Variants in ZNF627 observed in about 807,000 individuals in gnomAD.
ZNF627 encodes the protein zinc finger protein 627.
In ZNF627, 12 loss-of-function variants were observed where a neutral mutation model predicts 10.6. The ratio of observed to expected loss-of-function variants is 1.13; its 90% CI spans 0.73 to 1.84. The LOEUF (loss-of-function observed/expected upper bound fraction) is 1.84. Ranked by LOEUF, ZNF627 falls within the 40% of genes most tolerant of loss-of-function variation. The probability of loss-of-function intolerance (pLI) is 0.00; values close to 1 mark genes in which losing one functional copy is unlikely to be tolerated. For missense variants in ZNF627, 504 were observed against 568.4 expected, an observed-to-expected ratio of 0.89 and a Z score of 1.15; for synonymous variants, 176 against 187.1, an observed-to-expected ratio of 0.94 and a Z score of 0.48.
intron 1 of ZNF627, among the ~76,000 whole-genome samples, chr19:11,608,115 G>A (rs923109671): frequency 3.9e-5 from 6 of 152,158 alleles, no homozygotes; most frequent in East Asian, 3.9e-4. Context: ...GTGGCAGCAA[G>A]GAGAAGTGCA....
chr19:11,606,260 C>T (rs973751206), intron 1 of ZNF627, among the ~76,000 whole-genome samples: 4 of 151,896 alleles, frequency 2.6e-5, no homozygotes, highest in African/African-American at 9.7e-5. Context: ...TTGCTTGATC[C>T]CAGAAGGCGG....
At chr19:11,602,823 G>A (rs914916320) in intron 1 of ZNF627, among the ~76,000 whole-genome samples, 26 of 152,216 alleles carry the variant, frequency 1.7e-4, no homozygotes, top group African/African-American at 6.3e-4. Flanking sequence ...GTTCGCTGGT[G>A]AGAATTGAGA....
intron 1 of ZNF627, among the ~76,000 whole-genome samples, chr19:11,598,257 A>T (rs1487409108): frequency 6.6e-6 from 1 of 152,014 alleles, no homozygotes; most frequent in Non-Finnish European, 1.5e-5. Context: ...TTGAGGCTGG[A>T]GCGCGGTGGC....
rs1485304423 is a variant in ZNF627 at position 11,614,874 on chromosome 19, A to G, written c.178A>G (p.Arg60Gly). 1.9e-6 allele frequency: 3 copies of G among 1,606,948 alleles called. No homozygotes were observed. Among genetic ancestry groups the G allele is most frequent in the Non-Finnish European group, 2.5e-6 (3 of 1,177,696 alleles). ...CATTGAAGACCCATTCAAAATTCCC[A>G]GGAGAAATATAAGGTAATTTGCACT... ...QNIEDPFKIPRRNISHIPERL... is the reference protein window; with the variant it reads ...QNIEDPFKIPGRNISHIPERL... The change falls in exon 3 of 4, where the codon AGG (arginine) becomes GGG (glycine). Residue 60 changes from arginine (R) to glycine (G), a missense_variant. Coordinates refer to ENST00000361113, the MANE Select transcript of ZNF627 (RefSeq NM_145295.4).
rs1339547297 is a variant in ZNF627, at chr19:11,617,951, C to G, written c.*62C>G. 7.2e-6 allele frequency: 10 copies of G among 1,385,626 alleles called. No individual in the cohort carries two copies. In the African/African-American group the frequency reaches 1.3e-4, roughly 18 times the overall value. The allele number at this position is 1,385,626 out of a possible 1,614,324, so 85.8% of individuals were successfully genotyped here. ...TAAGAAATTTGGGAAAGCCTTCAGT[C>G]CTTTCTGTTTCTTTCAACTACGTGA... On this transcript the variant is annotated 3_prime_UTR_variant, in exon 4 of 4. Transcript: ENST00000361113.
At chr19:11,613,660 T>G (rs1973817402) in intron 1 of ZNF627, among the ~76,000 whole-genome samples, 1 of 150,890 alleles carries the variant, frequency 6.6e-6, no homozygotes, top group African/African-American at 2.4e-5. Flanking sequence ...CCAGCCAGAT[T>G]TTTACACTTA....
intron 1 of ZNF627, among the ~76,000 whole-genome samples, chr19:11,610,433 C>T (rs10409095): frequency 0.59 from 89,283 of 151,338 alleles, 26,387 homozygotes; most frequent in Admixed American, 0.61. Context: ...CCTTTTTTTT[C>T]CTCAAAAAAT....
At chr19:11,611,533 C>T (rs1973771884) in intron 1 of ZNF627, among the ~76,000 whole-genome samples, 2 of 152,006 alleles carry the variant, frequency 1.3e-5, no homozygotes, top group South Asian at 4.2e-4. Context: ...GTGTTTTATC[C>T]AAGAAATCAA....
At position 11,614,903 on chromosome 19, in the gene ZNF627, AAAAG is replaced by A. The variant is rs1462125704; in HGVS notation, c.191+21_191+24del. ...GAAATATAAGGTAATTTGCACTCAC[AAAAG>A]AAAGTTCTGTTCCTTGAGAGCATTT... On this transcript the variant is annotated intron_variant, in intron 3 of 3. Transcript: ENST00000361113. The A allele has an allele frequency of 6.3e-7, 1 of 1,585,334 alleles. No homozygotes were observed. The highest frequency in any genetic ancestry group is 8.6e-7 in the Non-Finnish European group (1 of 1,166,084).
chr19:11,601,460 C>T (rs1973583560), intron 1 of ZNF627, among the ~76,000 whole-genome samples: 1 of 152,030 alleles, frequency 6.6e-6, no homozygotes, highest in Non-Finnish European at 1.5e-5. Flanking sequence ...TCACATCAGC[C>T]TCCCAAGTAC....
intron 1 of ZNF627, among the ~76,000 whole-genome samples, chr19:11,611,149 G>A (rs1973766020): frequency 6.6e-6 from 1 of 152,158 alleles, no homozygotes; most frequent in Admixed American, 6.6e-5. Context: ...TACTGTGCCC[G>A]ACCCCAAATT....
chr19:11,599,113 C>A (rs899220835), intron 1 of ZNF627, among the ~76,000 whole-genome samples: 9 of 152,188 alleles, frequency 5.9e-5, no homozygotes, highest in African/African-American at 1.9e-4. Context: ...CTTTCCTGGT[C>A]CTGGGCTTCA....
In ZNF627 at chr19:11,616,735, C is replaced by A; in HGVS notation, c.232C>A (p.Gln78Lys). Residue 78 changes from glutamine (Q) to lysine (K), a missense_variant, in exon 4 of 4, where the codon CAA (glutamine) becomes AAA (lysine). Gln to Lys is a moderately conservative substitution (Grantham distance 53). Coordinates refer to ENST00000361113, the MANE Select transcript of ZNF627 (RefSeq NM_145295.4). The stretch of plus-strand genomic sequence containing the variant: ...ACTCTGTGAAAGTAAAGAAGGTGGT[C>A]AAGGTGAAGAAACCTTCAGCCAGAT... ...ERLCESKEGG[Q>K]GEETFSQIPD... is the part of the protein sequence containing the mutation. 2.5e-6 allele frequency: 4 copies of A among 1,607,312 alleles called. No individual in the cohort carries two copies. In the South Asian group the frequency reaches 4.4e-5, roughly 18 times the overall value.
At chr19:11,612,762 A>G (rs1354887295) in intron 1 of ZNF627, among the ~76,000 whole-genome samples, 1 of 151,004 alleles carries the variant, frequency 6.6e-6, no homozygotes, top group Non-Finnish European at 1.5e-5. Context: ...GTTTTCCCAG[A>G]ACCATTTTTT....
In ZNF627 at chr19:11,616,627, C is replaced by A. The variant is rs1973872162; in HGVS notation, c.192-68C>A. The A allele has an allele frequency of 8.4e-6, 9 of 1,075,958 alleles. No individual in the cohort carries two copies. In the South Asian group the frequency reaches 1.6e-4, roughly 19 times the overall value. 66.7% of individuals were successfully genotyped at this position (1,075,958 alleles called of 1,614,324 possible). ...AAAACAAGTATATGTAAGTCTAATACCTATTAATAAATATAAAATCATTTA... is the reference window on the plus strand; with the variant it reads ...AAAACAAGTATATGTAAGTCTAATAACTATTAATAAATATAAAATCATTTA... On this transcript the variant is annotated intron_variant, in intron 3 of 3. Transcript: ENST00000361113.
intron 1 of ZNF627, among the ~76,000 whole-genome samples, chr19:11,606,899 G>T (rs2145128780): frequency 6.6e-6 from 1 of 152,262 alleles, no homozygotes; most frequent in East Asian, 1.9e-4. Flanking sequence ...GGAGTGGCTG[G>T]GCACAGGGAA....
chr19:11,610,047 A>ATTTTTT (rs71166614), intron 1 of ZNF627, among the ~76,000 whole-genome samples: 1 of 114,844 alleles, frequency 8.7e-6, no homozygotes, highest in African/African-American at 3.4e-5. Context: ...TGGGATTTGA[A>ATTTTTT]TTTTTTTTTT....
At chr19:11,599,498 A>G (rs990783586) in intron 1 of ZNF627, among the ~76,000 whole-genome samples, 3 of 152,200 alleles carry the variant, frequency 2.0e-5, no homozygotes, top group African/African-American at 7.2e-5. Context: ...AAGAACTTGA[A>G]AAGCAAAATG....
At chr19:11,610,636 A>T (rs1404599452) in intron 1 of ZNF627, among the ~76,000 whole-genome samples, 2 of 152,048 alleles carry the variant, frequency 1.3e-5, no homozygotes, top group African/African-American at 4.8e-5. Flanking sequence ...AACTGCTGCT[A>T]ATTAGAGTAT....
Sources: allele counts gnomAD v4.1 joint callset (sites outside exome capture counted in the v4.1 genomes callset), GRCh38; gene constraint gnomAD v4.1.1; transcripts MANE v1.5; gene names NCBI Gene and HGNC (gene_info 2026-07-23, HGNC 2026-07-21).